The following FGFR4 variants were observed in gnomAD, a reference collection of about 807,000 sequenced individuals.
FGFR4 encodes hydroxyaryl-protein kinase.
In FGFR4, 63 loss-of-function variants were observed where a neutral mutation model predicts 89.9. The observed-to-expected ratio is 0.70, with a 90% CI of 0.57 to 0.86. FGFR4 has a LOEUF of 0.86. Ranked by LOEUF, FGFR4 falls within the 40% of genes least tolerant of loss-of-function variation. The pLI is 0.00. For synonymous variants in FGFR4, 486 were observed against 479.4 expected, an observed-to-expected ratio of 1.01 and a Z score of -0.18; for missense variants, 928 against 1,106.7, an observed-to-expected ratio of 0.84 and a Z score of 2.29.
At chr5:177,088,615 CTCAGTTCTGAGTGT>C (rs2149728850) in intron 1 of FGFR4, 1 of 175,136 alleles carries the variant, frequency 5.7e-6, no homozygotes, top group African/African-American at 2.4e-5. Context: ...CCAGCTGAGA[CTCAGTTCTGAGTGT>C]TCTATTTTGG....
In FGFR4 at chr5:177,092,974, G is replaced by A. The variant is rs45511194; in HGVS notation, c.1058-164G>A. 4.5e-4 allele frequency: 564 copies of A among 1,264,214 alleles called. 4 individuals carry two copies. The African/African-American group carries it at 6.6e-3, about 15-fold the overall frequency. 78.3% of individuals were successfully genotyped at this position (1,264,214 alleles called of 1,614,324 possible). A position where few individuals can be genotyped will look rare whatever the true frequency, so the allele number is the denominator to read the frequency against. On this transcript the variant is annotated intron_variant, in intron 8 of 17. Coordinates refer to ENST00000292408, the MANE Select transcript of FGFR4 (RefSeq NM_213647.3). ...TCCACACGTGGCCGTCCATGTGACC[G>A]TCTGCTGAGGTGTGGGTGCCTGGGA...
intron 6 of FGFR4, 67 bp downstream of exon 6, chr5:177,091,875 G>A: frequency 6.3e-7 from 1 of 1,590,414 alleles, no homozygotes; most frequent in East Asian, 2.2e-5. Flanking sequence ...CTCTTGGTGG[G>A]GTCTAGTCTG....
chr5:177,094,384 G>T lies in FGFR4; in HGVS notation c.1519+609G>T, dbSNP rs1200607467. On this transcript the variant is annotated intron_variant, in intron 11 of 17. Coordinates refer to ENST00000292408, the MANE Select transcript of FGFR4 (RefSeq NM_213647.3). ...TTCACCACTGGGGTGATGATGATGA[G>T]AAGAATTTGGTGTGACAGGCTTGAT... is the stretch of plus-strand genomic sequence containing the variant. Among the ~76,000 whole-genome samples the T allele has an allele frequency of 2.0e-5, 3 of 152,162 alleles. No homozygotes were observed. The East Asian group carries it at 5.8e-4, about 29-fold the overall frequency.
Position 177,096,355 on chromosome 5 carries a change from C to T in FGFR4, c.2013C>T (p.Asp671=), listed in dbSNP as rs771051971. ...LFDRVYTHQS[D]VWSFGILLWE... ...ACCGGGTGTACACACACCAGAGTGA[C>T]GTGTGAGTCCTGCCGGCGGTCACTG... The change falls in exon 15 of 18, where the codon GAC becomes GAT. Residue 671 remains aspartate (D), a splice_region_variant and synonymous_variant. Transcript: ENST00000292408. The T allele has an allele frequency of 8.1e-6, 13 of 1,613,800 alleles. No individual in the cohort carries two copies. The highest frequency in any genetic ancestry group is 1.7e-5 in the Admixed American group (1 of 59,982).
rs748057716 is a variant in FGFR4 at position 177,093,318 on chromosome 5, C to T, written c.1238C>T (p.Pro413Leu). Residue 413 changes from proline to leucine, a missense_variant, in exon 9 of 18, where the codon CCT becomes CTT. Coordinates refer to ENST00000292408, the MANE Select transcript of FGFR4 (RefSeq NM_213647.3). The surrounding 1 kb of genome is among the most constrained non-coding windows in gnomAD (Gnocchi z 5.8). Reference protein sequence around the residue: ...PATVQKLSRFPLARQFSLESG... With the variant: ...PATVQKLSRFLLARQFSLESG... ...ACTGTGCAGAAGCTCTCCCGCTTCCCTCTGGCCCGACAGGTACTGGGCGCA... is the reference window on the plus strand; with the variant it reads ...ACTGTGCAGAAGCTCTCCCGCTTCCTTCTGGCCCGACAGGTACTGGGCGCA... 12 of 1,613,956 alleles carry T rather than the reference C, an allele frequency of 7.4e-6. No homozygotes were observed. The highest frequency in any genetic ancestry group is 8.5e-7 in the Non-Finnish European group (1 of 1,179,858).
In FGFR4 at chr5:177,092,763, G is replaced by T. The variant is rs373341851; in HGVS notation, c.1036G>T (p.Ala346Ser). The T allele has an allele frequency of 6.2e-7, 1 of 1,614,232 alleles. No homozygotes were observed. The highest frequency in any genetic ancestry group is 8.5e-7 in the Non-Finnish European group (1 of 1,180,042). The change falls in exon 8 of 18, where the codon GCC (alanine) becomes TCC (serine). Residue 346 changes from alanine (A) to serine (S), a missense_variant. Ala to Ser is a moderately conservative substitution (Grantham distance 99). Around this residue, in one of 5 missense-constraint regions of FGFR4, gnomAD observed 741 missense variants for 836.9 expected, o/e 0.89. Coordinates refer to ENST00000292408, the MANE Select transcript of FGFR4 (RefSeq NM_213647.3). ...GNSIGLSYQSAWLTVLPEEDP... is the reference protein window; with the variant it reads ...GNSIGLSYQSSWLTVLPEEDP... ...TTCCATCGGCCTCTCCTACCAGTCT[G>T]CCTGGCTCACGGTGCTGCCAGGTGA...
chr5:177,090,239 G>A, intron 2 of FGFR4, 151 bp from the exon 3 acceptor site: 3 of 1,105,044 alleles, frequency 2.7e-6, no homozygotes, highest in Non-Finnish European at 4.0e-6. Flanking sequence ...GGCATCCGCA[G>A]CATGTGGCTG....
chr5:177,097,575 G>C lies in FGFR4; in HGVS notation c.2308G>C (p.Asp770His), dbSNP rs773156267. The stretch of plus-strand genomic sequence containing the variant: ...CGGACCCTATTCCCCCTCTGGTGGG[G>C]ACGCCAGCAGCACCTGCTCCTCCAG... ...TFGPYSPSGG[D>H]ASSTCSSSDS... The change falls in exon 18 of 18, where the codon GAC (aspartate) becomes CAC (histidine). Residue 770 changes from aspartate (D) to histidine (H), a missense_variant. Asp to His is a moderately conservative substitution (Grantham distance 81). Around this residue, in one of 5 missense-constraint regions of FGFR4, gnomAD observed 129 missense variants for 150.8 expected, o/e 0.86. Transcript: ENST00000292408. 4 of 1,614,068 alleles carry C rather than the reference G, an allele frequency of 2.5e-6. No homozygotes were observed. The highest frequency in any genetic ancestry group is 1.3e-5 in the African/African-American group (1 of 75,050).
chr5:177,090,320 GT>G, intron 2 of FGFR4, 69 bp from the exon 3 acceptor site: 1 of 1,597,338 alleles, frequency 6.3e-7, no homozygotes. Flanking sequence ...TGTGCGGTGT[GT>G]TCTTTGTACA....
chr5:177,089,570 C>T lies in FGFR4; in HGVS notation c.-33C>T. On this transcript the variant is annotated 5_prime_UTR_variant, in exon 2 of 18. Coordinates refer to ENST00000292408, the MANE Select transcript of FGFR4 (RefSeq NM_213647.3). Reference sequence around the variant, plus strand: ...TTTAGGAAGGCAGTTGGTGGGAAGTCCAGCTTGGGTCCCTGAGAGCTGTGA... The same window carrying T: ...TTTAGGAAGGCAGTTGGTGGGAAGTTCAGCTTGGGTCCCTGAGAGCTGTGA... 6.3e-7 allele frequency: 1 copy of T among 1,599,372 alleles called. No individual in the cohort carries two copies. Among genetic ancestry groups the T allele is most frequent in the South Asian group, 1.1e-5 (1 of 89,964 alleles).
Position 177,097,616 on chromosome 5 carries a change from C to T in FGFR4, c.2349C>T (p.Ser783=), listed in dbSNP as rs2149741060. ...STCSSSDSVF[S]HDPLPLGSSS... ...GCTCCTCCAGCGATTCTGTCTTCAG[C>T]CACGACCCCCTGCCATTGGGATCCA... The change falls in exon 18 of 18, where the codon AGC becomes AGT. Residue 783 remains serine (S), a synonymous_variant. Transcript: ENST00000292408. The T allele has an allele frequency of 1.9e-6, 3 of 1,614,198 alleles. No individual in the cohort carries two copies. The highest frequency in any genetic ancestry group is 2.5e-6 in the Non-Finnish European group (3 of 1,180,048).
At chr5:177,096,798 G>T in intron 16 of FGFR4, 57 bp downstream of exon 16, 1 of 1,531,452 alleles carries the variant, frequency 6.5e-7, no homozygotes. Flanking sequence ...CCTCTGCCCT[G>T]ACCATGGCCT....
At chr5:177,097,262 C>T (rs1193416604) in intron 16 of FGFR4, 30 bp from the exon 17 acceptor site, 1 of 1,551,190 alleles carries the variant, frequency 6.4e-7, no homozygotes, top group Admixed American at 1.9e-5. Context: ...GCCTGAGGCT[C>T]CCTGTGACCC....
At position 177,096,955 on chromosome 5, in the gene FGFR4, TCTC is replaced by T. The variant is rs1562077828; in HGVS notation, c.2153+220_2153+222del. Among the ~76,000 whole-genome samples, 2 of 6,946 alleles carry T rather than the reference TCTC, an allele frequency of 2.9e-4. 1 individual carries two copies. Among genetic ancestry groups the T allele is most frequent in the Non-Finnish European group, 5.0e-4 (2 of 3,962 alleles). 4.6% of individuals were successfully genotyped at this position (6,946 alleles called of 152,430 possible). On this transcript the variant is annotated intron_variant, in intron 16 of 17. Coordinates refer to ENST00000292408, the MANE Select transcript of FGFR4 (RefSeq NM_213647.3). ...TCTTCCTCCTCCTCCTCTTCCTCCT[TCTC>T]CTCCTGCTCCTCTTCCTCCTCCTTC...
Position 177,095,542 on chromosome 5 carries a change from A to ACGTGATC in FGFR4, c.1641_1647dup (p.Val550ArgfsTer34). 6.2e-7 allele frequency: 1 copy of ACGTGATC among 1,611,204 alleles called. No homozygotes were observed. Among genetic ancestry groups the ACGTGATC allele is most frequent in the Non-Finnish European group, 8.5e-7 (1 of 1,178,702 alleles). On this transcript the variant is annotated frameshift_variant, in exon 13 of 18. Transcript: ENST00000292408. LOFTEE classifies it high-confidence loss of function. This position sits in a 1 kb window ranked among gnomAD's most constrained non-coding sequence, Gnocchi z 5.7. The stretch of plus-strand genomic sequence containing the variant: ...TCCACTCCCTCTGCAGGGCCCCTGT[A>ACGTGATC]CGTGATCGTGGAGTGCGCCGCCAAG...
At chr5:177,092,571 G>A (rs777553102) in intron 7 of FGFR4, 60 bp downstream of exon 7, 2 of 1,563,988 alleles carry the variant, frequency 1.3e-6, no homozygotes, top group East Asian at 2.3e-5. Flanking sequence ...GGGTTGGGGG[G>A]CTCCCCAGCT....
At chr5:177,089,752 G>A in intron 2 of FGFR4, 59 bp downstream of exon 2, 2 of 1,582,232 alleles carry the variant, frequency 1.3e-6, no homozygotes, top group Non-Finnish European at 1.7e-6. Flanking sequence ...ACCAGGAGGG[G>A]GCTGCTGGGC....
rs1784394847 is a variant in FGFR4, at chr5:177,092,325, G to T, written c.732G>T (p.Arg244=). 6.3e-7 allele frequency: 1 copy of T among 1,577,608 alleles called. No homozygotes were observed. The highest frequency in any genetic ancestry group is 1.8e-5 in the Admixed American group (1 of 55,978). The part of the protein sequence containing the change: ...RYNYLLDVLE[R]SPHRPILQAG... ...ACTGTCTCGCCCGGTCCCCAGAGCG[G>T]TCCCCGCACCGGCCCATCCTGCAGG... The change falls in exon 7 of 18, where the codon CGG becomes CGT. Residue 244 remains arginine (R), a synonymous_variant. Transcript: ENST00000292408.
chr5:177,096,944 CTCTTCCTCCTTCTCCTCCTGCTCCTCT>C (rs1784602781), intron 16 of FGFR4, among the ~76,000 whole-genome samples: 1 of 96,280 alleles, frequency 1.0e-5, no homozygotes, highest in African/African-American at 4.3e-5. Flanking sequence ...CCTCCTCCTC[CTCTTCCTCCTTCTCCTCCTGCTCCTCT>C]TCCTCCTCCT....
Sources: gnomAD v4.1 joint callset for allele counts (sites outside exome capture counted in the v4.1 genomes callset) on GRCh38, gnomAD v4.1.1 for gene constraint, gnomAD v4.1.1 regional missense constraint, Gnocchi (gnomAD v3.1) non-coding constraint, MANE v1.5 for transcripts, NCBI Gene and HGNC (gene_info 2026-07-23, HGNC 2026-07-21) for gene names.